The following NRP1 variants were observed in gnomAD, a reference collection of about 807,000 sequenced individuals.
The protein encoded by NRP1 is neuropilin-1.
In NRP1, 35 loss-of-function variants were observed where a neutral mutation model predicts 106.7. The observed-to-expected ratio is 0.33, with a 90% CI of 0.25 to 0.43. The LOEUF is 0.43. Ranked by LOEUF, NRP1 falls within the 20% of genes least tolerant of loss-of-function variation. The pLI, the probability that NRP1 is intolerant of heterozygous loss-of-function variation, is 1.00. For synonymous variants in NRP1, 437 were observed against 417.9 expected (o/e 1.05, Z -0.56); for missense variants, 1,024 against 1,170.4 (o/e 0.87, Z 1.83).
chr10:33,223,634 T>C (rs574312123), intron 7 of NRP1, among the ~76,000 whole-genome samples: 3 of 152,276 alleles, frequency 2.0e-5, no homozygotes, highest in East Asian at 3.9e-4. Flanking sequence ...TCTCTATTTT[T>C]GTTTAAATAA....
intron 4 of NRP1, among the ~76,000 whole-genome samples, chr10:33,259,674 A>G (rs151087134): frequency 6.6e-6 from 1 of 152,302 alleles, no homozygotes; most frequent in East Asian, 1.9e-4. Flanking sequence ...AAAGGAATAT[A>G]GTATTTGTGC....
Position 33,252,551 on chromosome 10 carries a change from C to T in NRP1, c.981+1477G>A, listed in dbSNP as rs144004943. ...TTTCAGCAGCGGGGCACTGAAGAAG[C>T]GAGCCACACCCCTATCGCACGCCCT... On this transcript the variant is annotated intron_variant, in intron 6 of 16. Transcript: ENST00000374867. 3.0e-4 allele frequency among the ~76,000 whole-genome samples: 46 copies of T among 152,180 alleles called. 1 individual carries two copies. The Middle Eastern group carries it at 0.014, about 45-fold the overall frequency.
At chr10:33,270,573 TGCCTCG>T in intron 3 of NRP1, 96 bp downstream of exon 3, 1 of 955,624 alleles carries the variant, frequency 1.0e-6, no homozygotes, top group Non-Finnish European at 1.5e-6. Flanking sequence ...GTGATCCACC[TGCCTCG>T]GCCTCCCAAA....
At chr10:33,182,517 G>A (rs1417707869) in intron 16 of NRP1, among the ~76,000 whole-genome samples, 181 bp downstream of exon 16, 3 of 152,110 alleles carry the variant, frequency 2.0e-5, no homozygotes, top group Non-Finnish European at 2.9e-5. Context: ...TGGGCAGCTC[G>A]GAAGTGGGTA....
At chr10:33,312,213 C>G (rs1230277554) in intron 2 of NRP1, among the ~76,000 whole-genome samples, 2 of 152,116 alleles carry the variant, frequency 1.3e-5, no homozygotes, top group Non-Finnish European at 2.9e-5. Context: ...ATTAATAGGG[C>G]TCTTTAGTCT....
chr10:33,256,248 G>T, intron 5 of NRP1, 68 bp downstream of exon 5: 6 of 1,485,436 alleles, frequency 4.0e-6, no homozygotes, highest in Non-Finnish European at 5.6e-6. Context: ...TCATGTGGCC[G>T]CAGGTGTGTG....
chr10:33,303,399 T>TTATCCAA (rs1845938473), intron 2 of NRP1, among the ~76,000 whole-genome samples: 1 of 152,222 alleles, frequency 6.6e-6, no homozygotes, highest in Admixed American at 6.5e-5. Context: ...ACTATCTCAT[T>TTATCCAA]ATTTGGATAA....
At chr10:33,275,833 C>T (rs1843650495) in intron 2 of NRP1, among the ~76,000 whole-genome samples, 1 of 151,732 alleles carries the variant, frequency 6.6e-6, no homozygotes, top group Non-Finnish European at 1.5e-5. Context: ...TCACTTGAGC[C>T]CAGGAGTCTG....
intron 8 of NRP1, among the ~76,000 whole-genome samples, chr10:33,221,400 G>A (rs2132889811): frequency 6.6e-6 from 1 of 152,272 alleles, no homozygotes; most frequent in South Asian, 2.1e-4. Context: ...ATGCCAGGCT[G>A]TGCTACGTGC....
chr10:33,280,207 T>C (rs938615494), intron 2 of NRP1, among the ~76,000 whole-genome samples: 4 of 152,220 alleles, frequency 2.6e-5, no homozygotes, highest in African/African-American at 9.6e-5. Context: ...TCCAGGAAGA[T>C]TTTGTTTTTT....
intron 6 of NRP1, among the ~76,000 whole-genome samples, chr10:33,246,998 G>A (rs536331208): frequency 2.6e-5 from 4 of 152,134 alleles, no homozygotes; most frequent in Non-Finnish European, 4.4e-5. Flanking sequence ...CCTCTTCCAC[G>A]CTCAACCCAT....
intron 6 of NRP1, among the ~76,000 whole-genome samples, chr10:33,249,020 C>T (rs78203421): frequency 9.1e-4 from 138 of 151,010 alleles, no homozygotes; most frequent in African/African-American, 3.2e-3. Context: ...GTGTGGTAAT[C>T]CTGGTGCTAT....
intron 10 of NRP1, 106 bp downstream of exon 10, chr10:33,207,466 C>T (rs77732726): frequency 0.015 from 19,685 of 1,291,980 alleles, 167 homozygotes; most frequent in Non-Finnish European, 0.019. Flanking sequence ...AAGGGGCCTC[C>T]CAAGGGAAAA....
rs1403530190 is a variant in NRP1 at position 33,320,681 on chromosome 10, ACCT to A, written c.248+10024_248+10026del. ...TCTCAGGGACACATTGCGGTTTTTC[ACCT>A]CAACTCTTCATATACCTCATTTTGA... is the stretch of plus-strand genomic sequence containing the variant. On this transcript the variant is annotated intron_variant, in intron 2 of 16. Coordinates refer to ENST00000374867, the MANE Select transcript of NRP1 (RefSeq NM_003873.7). Among the ~76,000 whole-genome samples, 4 of 152,262 alleles carry A rather than the reference ACCT, an allele frequency of 2.6e-5. No homozygotes were observed. In the East Asian group the frequency reaches 7.7e-4, roughly 29 times the overall value.
chr10:33,306,730 C>A (rs1846196161), intron 2 of NRP1, among the ~76,000 whole-genome samples: 1 of 152,130 alleles, frequency 6.6e-6, no homozygotes, highest in Non-Finnish European at 1.5e-5. Context: ...GAAAAATATT[C>A]CCAATGGGGT....
chr10:33,200,727 A>G (rs1837234954), intron 11 of NRP1, among the ~76,000 whole-genome samples: 1 of 152,254 alleles, frequency 6.6e-6, no homozygotes, highest in Non-Finnish European at 1.5e-5. Flanking sequence ...TGTAGTTTCC[A>G]TATAAAAAGG....
rs143422004 is a variant in NRP1 at position 33,304,357 on chromosome 10, C to T, written c.248+26351G>A. ...AAGACAATGGGGAGGAAAACCAATA[C>T]TACCAAAAGGAAACCTCGGAGAGTT... On this transcript the variant is annotated intron_variant, in intron 2 of 16. Transcript: ENST00000374867. Among the ~76,000 whole-genome samples, 168 of 152,310 alleles carry T rather than the reference C, an allele frequency of 1.1e-3. 1 individual carries two copies. The highest frequency in any genetic ancestry group is 3.5e-3 in the African/African-American group (147 of 41,566).
intron 6 of NRP1, among the ~76,000 whole-genome samples, chr10:33,246,807 C>T (rs1401904283): frequency 6.6e-6 from 1 of 152,126 alleles, no homozygotes; most frequent in Non-Finnish European, 1.5e-5. Flanking sequence ...AGTTAATACA[C>T]CCCCTAAAGT....
intron 2 of NRP1, among the ~76,000 whole-genome samples, chr10:33,275,789 A>T (rs1047882177): frequency 1.3e-5 from 2 of 151,686 alleles, no homozygotes; most frequent in Non-Finnish European, 2.9e-5. Flanking sequence ...TCATGGCTGT[A>T]GTCCCACCTA....
Sources: gnomAD v4.1 joint callset for allele counts (sites outside exome capture counted in the v4.1 genomes callset) on GRCh38, gnomAD v4.1.1 for gene constraint, MANE v1.5 for transcripts, NCBI Gene and HGNC (gene_info 2026-07-23, HGNC 2026-07-21) for gene names.